TNIK: variants seen among roughly 807,000 people sequenced by gnomAD.
The protein encoded by TNIK is TRAF2 and NCK interacting kinase, also known as TRAF2 and NCK-interacting protein kinase.
TNIK carries 49 observed loss-of-function variants against 191.3 expected under a neutral mutation model. That is an observed-to-expected ratio of 0.26 (90% CI 0.20 to 0.32). The LOEUF (loss-of-function observed/expected upper bound fraction) is 0.32, where lower values mean the gene tolerates loss of function less well. TNIK is among the 10% of genes least tolerant of loss of function. The pLI is 1.00. For missense variants in TNIK, 1,155 were observed against 1,702.3 expected (o/e 0.68, Z 5.66); for synonymous variants, 594 against 600.9 (o/e 0.99, Z 0.17).
intron 1 of TNIK, among the ~76,000 whole-genome samples, chr3:171,450,716 C>T (rs768968799): frequency 1.3e-5 from 2 of 152,178 alleles, no homozygotes; most frequent in Non-Finnish European, 2.9e-5. Context: ...CCACAACTTA[C>T]TTTTTGGAGG....
chr3:171,131,441 T>C (rs189764466), intron 15 of TNIK, among the ~76,000 whole-genome samples: 1 of 148,096 alleles, frequency 6.8e-6, no homozygotes, highest in Non-Finnish European at 1.5e-5. Flanking sequence ...ATTAGTCATG[T>C]ATAGATGTTG....
intron 2 of TNIK, among the ~76,000 whole-genome samples, chr3:171,285,229 T>A (rs572975180): frequency 1.1e-4 from 17 of 152,370 alleles, no homozygotes; most frequent in African/African-American, 4.1e-4. Context: ...GTTTTCTTTA[T>A]AAATTGTTAA....
At chr3:171,131,373 AAGAAAT>A (rs1729263433) in intron 15 of TNIK, among the ~76,000 whole-genome samples, 2 of 139,698 alleles carry the variant, frequency 1.4e-5, no homozygotes, top group Non-Finnish European at 1.5e-5. Context: ...AAAAAAAAAA[AAGAAAT>A]GAACAGGGCA....
intron 2 of TNIK, among the ~76,000 whole-genome samples, chr3:171,247,751 G>A (rs893306341): frequency 3.3e-5 from 5 of 152,176 alleles, no homozygotes; most frequent in African/African-American, 1.2e-4. Flanking sequence ...AAAAAGGAGG[G>A]TATGGTCAGA....
At chr3:171,457,396 G>A (rs1052119996) in intron 1 of TNIK, among the ~76,000 whole-genome samples, 32 of 152,184 alleles carry the variant, frequency 2.1e-4, no homozygotes, top group African/African-American at 7.0e-4. Context: ...CATTGACTGT[G>A]TACATTAAAG....
rs1398656938 is a variant in TNIK, at chr3:171,063,076, C to G, written c.*805G>C. ...AAGTTGTGTTAGAGTGTCCCTCCAT[C>G]GCTAGGCCAGCTCAACTCAATGGCG... is the stretch of plus-strand genomic sequence containing the variant. On this transcript the variant is annotated 3_prime_UTR_variant, in exon 33 of 33. Coordinates refer to ENST00000436636, the MANE Select transcript of TNIK (RefSeq NM_015028.4). 6.6e-6 allele frequency: 1 copy of G among 152,174 alleles called. No homozygotes were observed. The highest frequency in any genetic ancestry group is 6.5e-5 in the Admixed American group (1 of 15,270). The allele number at this position is 152,174 out of a possible 1,614,324, so 9.4% of individuals were successfully genotyped here.
chr3:171,094,139 AT>A (rs58565557), intron 22 of TNIK, among the ~76,000 whole-genome samples, 171 bp from the exon 23 acceptor site: 110 of 146,060 alleles, frequency 7.5e-4, no homozygotes, highest in Middle Eastern at 3.6e-3. Flanking sequence ...TCTCATATTA[AT>A]TTTTTTTTTT....
chr3:171,064,824 G>C (rs1364151493), intron 32 of TNIK, among the ~76,000 whole-genome samples: 2 of 152,178 alleles, frequency 1.3e-5, no homozygotes, highest in African/African-American at 4.8e-5. Flanking sequence ...CTAGTCTAAA[G>C]TCTCTGCTAC....
chr3:171,385,465 G>C (rs536663082), intron 1 of TNIK, among the ~76,000 whole-genome samples: 113 of 152,222 alleles, frequency 7.4e-4, no homozygotes, highest in African/African-American at 2.7e-3. Context: ...CAAGAACCCT[G>C]CTCAAGAAAG....
chr3:171,158,638 T>C (rs1733546241), intron 11 of TNIK, among the ~76,000 whole-genome samples: 1 of 152,238 alleles, frequency 6.6e-6, no homozygotes, highest in African/African-American at 2.4e-5. Flanking sequence ...TGGCAGTCAC[T>C]GTAGTAAGCT....
At chr3:171,083,372 C>T (rs1335756387) in intron 26 of TNIK, among the ~76,000 whole-genome samples, 3 of 152,198 alleles carry the variant, frequency 2.0e-5, no homozygotes, top group African/African-American at 7.2e-5. Flanking sequence ...CACACTCTTC[C>T]CCGCTAACAT....
chr3:171,342,518 C>T (rs1222841081), intron 2 of TNIK, among the ~76,000 whole-genome samples: 1 of 151,484 alleles, frequency 6.6e-6, no homozygotes, highest in African/African-American at 2.4e-5. Context: ...AACAAAAAAA[C>T]AAAAAAAGAG....
At chr3:171,347,666 T>C (rs1424568719) in intron 2 of TNIK, among the ~76,000 whole-genome samples, 3 of 152,122 alleles carry the variant, frequency 2.0e-5, no homozygotes, top group African/African-American at 7.2e-5. Context: ...ACTTCAAGTG[T>C]GGTATTTCGG....
chr3:171,342,838 C>T (rs1357939278), intron 2 of TNIK, among the ~76,000 whole-genome samples: 1 of 152,110 alleles, frequency 6.6e-6, no homozygotes, highest in African/African-American at 2.4e-5. Flanking sequence ...TCATGGGGGA[C>T]CCAGTGGGAG....
chr3:171,243,787 C>T (rs1363347806), intron 2 of TNIK, among the ~76,000 whole-genome samples: 1 of 152,020 alleles, frequency 6.6e-6, no homozygotes, highest in African/African-American at 2.4e-5. Flanking sequence ...TTCTCCAAAT[C>T]AATTATGGCC....
chr3:171,391,465 C>T (rs1382783027), intron 1 of TNIK, among the ~76,000 whole-genome samples: 1 of 152,188 alleles, frequency 6.6e-6, no homozygotes, highest in Non-Finnish European at 1.5e-5. Context: ...GAAGAGGAGG[C>T]AACTCTTATT....
intron 2 of TNIK, among the ~76,000 whole-genome samples, chr3:171,260,444 C>A (rs1341660422): frequency 6.6e-6 from 1 of 152,172 alleles, no homozygotes; most frequent in East Asian, 1.9e-4. Context: ...CCCTTCCCAT[C>A]CCCACCTCCT....
At chr3:171,217,828 C>T (rs1416829179) in intron 3 of TNIK, among the ~76,000 whole-genome samples, 2 of 151,984 alleles carry the variant, frequency 1.3e-5, no homozygotes, top group East Asian at 3.9e-4. Context: ...GTGAAAGTTA[C>T]CCAATTGGGA....
chr3:171,305,675 C>T (rs1753376590), intron 2 of TNIK, among the ~76,000 whole-genome samples: 1 of 152,152 alleles, frequency 6.6e-6, no homozygotes, highest in South Asian at 2.1e-4. Context: ...TACAATCACA[C>T]ACCAGTCAGA....
Sources: gnomAD v4.1 joint callset for allele counts (sites outside exome capture counted in the v4.1 genomes callset) on GRCh38, gnomAD v4.1.1 for gene constraint, MANE v1.5 for transcripts, NCBI Gene and HGNC (gene_info 2026-07-23, HGNC 2026-07-21) for gene names.